SLC37A1: variants seen among roughly 807,000 people sequenced by gnomAD.
SLC37A1 encodes the protein solute carrier family 37 member 1, also known as glucose-6-phosphate exchanger SLC37A1.
In SLC37A1, 49 loss-of-function variants were observed where a neutral mutation model predicts 75.3. That is an observed-to-expected ratio of 0.65 (90% CI 0.52 to 0.83). The LOEUF (loss-of-function observed/expected upper bound fraction) is 0.83, where lower values mean the gene tolerates loss of function less well. Ranked by LOEUF, SLC37A1 falls within the 40% of genes least tolerant of loss-of-function variation. The pLI is 0.00. For synonymous variants in SLC37A1, 268 were observed against 292.1 expected (o/e 0.92, Z 0.84); for missense variants, 566 against 695.0 (o/e 0.81, Z 2.09).
At chr21:42,526,669 G>A (rs2054802212) in intron 3 of SLC37A1, among the ~76,000 whole-genome samples, 2 of 152,222 alleles carry the variant, frequency 1.3e-5, no homozygotes, top group South Asian at 2.1e-4. Flanking sequence ...GAGGCTGGCT[G>A]TTTTGTGACG....
Position 42,564,705 on chromosome 21 carries a change from C to T in SLC37A1, c.1136-3C>T, listed in dbSNP as rs781131334. 1 of 1,610,614 alleles carries T rather than the reference C, an allele frequency of 6.2e-7. No individual in the cohort carries two copies. Reference sequence around the variant, plus strand: ...GTGCCTGAAGCCCGCCTCTCCGTTGCAGGTGGGATCCTGGCAGGTGTGATC... The same window carrying T: ...GTGCCTGAAGCCCGCCTCTCCGTTGTAGGTGGGATCCTGGCAGGTGTGATC... On this transcript the variant is annotated splice_region_variant and splice_polypyrimidine_tract_variant and intron_variant, in intron 13 of 19. Coordinates refer to ENST00000352133, the MANE Select transcript of SLC37A1 (RefSeq NM_001320537.2).
At chr21:42,572,086 G>A (rs1040291439) in intron 17 of SLC37A1, among the ~76,000 whole-genome samples, 1 of 152,208 alleles carries the variant, frequency 6.6e-6, no homozygotes, top group African/African-American at 2.4e-5. Context: ...TTACAAGTGC[G>A]TGATGGCTGG....
chr21:42,542,693 C>T (rs1194870807), intron 7 of SLC37A1, among the ~76,000 whole-genome samples: 4 of 152,242 alleles, frequency 2.6e-5, no homozygotes, highest in African/African-American at 7.2e-5. Context: ...TGGTGAAGTC[C>T]GTGTCACTCG....
intron 9 of SLC37A1, among the ~76,000 whole-genome samples, chr21:42,550,980 A>G (rs913938090): frequency 6.6e-6 from 1 of 152,366 alleles, no homozygotes; most frequent in South Asian, 2.1e-4. Flanking sequence ...TAATGGTGAA[A>G]GACCAGGTGC....
rs1002184047 is a variant in SLC37A1 at position 42,545,507 on chromosome 21, C to T, written c.731-1596C>T. ...AGAGGATGTGGCTTTCTCTGCTGCT[C>T]CTTCACTCTTGTCTCCTGCCCAGGG... On this transcript the variant is annotated intron_variant, in intron 8 of 19. Transcript: ENST00000352133. The surrounding 1 kb of genome is among the most constrained non-coding windows in gnomAD (Gnocchi z 4.0). 1.3e-5 allele frequency among the ~76,000 whole-genome samples: 2 copies of T among 152,090 alleles called. No homozygotes were observed. Among genetic ancestry groups the T allele is most frequent in the Non-Finnish European group, 2.9e-5 (2 of 67,982 alleles).
intron 10 of SLC37A1, among the ~76,000 whole-genome samples, chr21:42,556,485 T>G (rs1026478328): frequency 1.3e-5 from 2 of 152,232 alleles, no homozygotes; most frequent in African/African-American, 4.8e-5. Flanking sequence ...CATTTTTAGA[T>G]AAAGCGATCG....
chr21:42,557,784 C>CCT (rs376023826), intron 10 of SLC37A1, among the ~76,000 whole-genome samples: 1 of 149,002 alleles, frequency 6.7e-6, no homozygotes, highest in Non-Finnish European at 1.5e-5. Context: ...TTACCATTTT[C>CCT]TTTTTTTTTT....
chr21:42,523,071 T>C (rs1406609547), intron 2 of SLC37A1, among the ~76,000 whole-genome samples: 1 of 152,234 alleles, frequency 6.6e-6, no homozygotes, highest in Non-Finnish European at 1.5e-5. Flanking sequence ...TTCTGGGCTG[T>C]CTGGGTGGAG....
intron 3 of SLC37A1, among the ~76,000 whole-genome samples, chr21:42,530,271 G>A (rs1370969721): frequency 6.6e-6 from 1 of 152,126 alleles, no homozygotes; most frequent in Non-Finnish European, 1.5e-5. Flanking sequence ...TGACCAAGAA[G>A]CTCCTCCATC....
rs878874313 is a variant in SLC37A1 at position 42,566,009 on chromosome 21, C to T, written c.1270+134C>T. The T allele has an allele frequency of 2.0e-5, 17 of 846,964 alleles. No individual in the cohort carries two copies. The Middle Eastern group carries it at 9.0e-4, about 45-fold the overall frequency. The allele number at this position is 846,964 out of a possible 1,614,324, so 52.5% of individuals were successfully genotyped here. On this transcript the variant is annotated intron_variant, in intron 15 of 19. Coordinates refer to ENST00000352133, the MANE Select transcript of SLC37A1 (RefSeq NM_001320537.2). Reference sequence around the variant, plus strand: ...AGCACATGGTGTGGCTAAAATTGTCCGTGTCCTCCTTTGGGCAAGACCATC... The same window carrying T: ...AGCACATGGTGTGGCTAAAATTGTCTGTGTCCTCCTTTGGGCAAGACCATC...
intron 10 of SLC37A1, among the ~76,000 whole-genome samples, chr21:42,555,681 C>T (rs1302390234): frequency 6.6e-6 from 1 of 152,228 alleles, no homozygotes; most frequent in Non-Finnish European, 1.5e-5. Flanking sequence ...AGACCACAGG[C>T]CCTTTCTTCT....
At chr21:42,504,943 C>G (rs991474582) in intron 2 of SLC37A1, among the ~76,000 whole-genome samples, 1 of 152,208 alleles carries the variant, frequency 6.6e-6, no homozygotes, top group African/African-American at 2.4e-5. Context: ...CAACCAATCT[C>G]CAAATCCTGG....
intron 1 of SLC37A1, among the ~76,000 whole-genome samples, chr21:42,515,636 T>A (rs572286101): frequency 4.6e-5 from 7 of 152,200 alleles, no homozygotes; most frequent in African/African-American, 1.7e-4. Context: ...TTTGAAGAAA[T>A]AGGTATAAAA....
chr21:42,548,093 C>T lies in SLC37A1; in HGVS notation c.768+953C>T, dbSNP rs938766631. On this transcript the variant is annotated intron_variant, in intron 9 of 19. Coordinates refer to ENST00000352133, the MANE Select transcript of SLC37A1 (RefSeq NM_001320537.2). This position sits in a 1 kb window ranked among gnomAD's most constrained non-coding sequence, Gnocchi z 5.6. Reference sequence around the variant, plus strand: ...CCCCTACCCGGGCTAACATGTTAGTCACGTCTGTGCCGAGTGTCAGACCCC... The same window carrying T: ...CCCCTACCCGGGCTAACATGTTAGTTACGTCTGTGCCGAGTGTCAGACCCC... Among the ~76,000 whole-genome samples the T allele has an allele frequency of 1.4e-4, 22 of 152,184 alleles. No homozygotes were observed. The highest frequency in any genetic ancestry group is 5.3e-4 in the African/African-American group (22 of 41,442).
intron 6 of SLC37A1, 49 bp from the exon 7 acceptor site, chr21:42,542,355 C>T: frequency 1.3e-6 from 2 of 1,576,364 alleles, no homozygotes; most frequent in Non-Finnish European, 1.7e-6. Context: ...GCAGCGCTGT[C>T]CCGGGCCTGC....
intron 2 of SLC37A1, chr21:42,508,658 A>ACTGAAAGAAATGTGAGTC (rs1328318579): frequency 2.0e-5 from 3 of 152,244 alleles, no homozygotes; most frequent in Admixed American, 6.5e-5. Context: ...GGAATGCTTC[A>ACTGAAAGAAATGTGAGTC]CTGAAAGAAA....
intron 15 of SLC37A1, among the ~76,000 whole-genome samples, chr21:42,566,606 A>G (rs1321335029): frequency 6.6e-6 from 1 of 152,100 alleles, no homozygotes; most frequent in Non-Finnish European, 1.5e-5. Flanking sequence ...TCCTCACCTG[A>G]GTGTGAGCCT....
At chr21:42,537,884 A>C (rs1305553747) in intron 5 of SLC37A1, among the ~76,000 whole-genome samples, 1 of 152,172 alleles carries the variant, frequency 6.6e-6, no homozygotes, top group Non-Finnish European at 1.5e-5. Flanking sequence ...CTGAGGTCTC[A>C]GTGATGGGTG....
upstream of SLC37A1, among the ~76,000 whole-genome samples, chr21:42,513,694 GGT>G (rs757089770): frequency 1.0e-4 from 15 of 149,986 alleles, 4 homozygotes; most frequent in East Asian, 2.0e-4. Flanking sequence ...GCCCCCGCCC[GGT>G]GGCCCCGGGG....
Sources: gnomAD v4.1 joint callset for allele counts (sites outside exome capture counted in the v4.1 genomes callset) on GRCh38, gnomAD v4.1.1 for gene constraint, Gnocchi (gnomAD v3.1) non-coding constraint, MANE v1.5 for transcripts, NCBI Gene and HGNC (gene_info 2026-07-23, HGNC 2026-07-21) for gene names.